Variants in HS3ST4 observed in about 807,000 individuals in gnomAD.
HS3ST4 encodes the protein heparan sulfate-glucosamine 3-sulfotransferase 4.
In HS3ST4, 17 loss-of-function variants were observed where a neutral mutation model predicts 29.2. The ratio of observed to expected loss-of-function variants is 0.58; its 90% CI spans 0.40 to 0.87. The LOEUF (loss-of-function observed/expected upper bound fraction) is 0.87. Among genes scored for constraint, HS3ST4 ranks in the 40% least tolerant of loss-of-function variants. HS3ST4 has a pLI of 0.00. For synonymous variants in HS3ST4, 314 were observed against 285.7 expected (o/e 1.10, Z -1.00); for missense variants, 627 against 634.5 (o/e 0.99, Z 0.13).
At chr16:25,796,387 G>A (rs1291733083) in intron 1 of HS3ST4, among the ~76,000 whole-genome samples, 1 of 152,042 alleles carries the variant, frequency 6.6e-6, no homozygotes, top group East Asian at 1.9e-4. Context: ...TGTGTTACTG[G>A]CTTTTATTAT....
chr16:26,059,002 A>T (rs774002213), intron 1 of HS3ST4, among the ~76,000 whole-genome samples: 5 of 152,112 alleles, frequency 3.3e-5, no homozygotes, highest in Non-Finnish European at 7.4e-5. Flanking sequence ...CTGAGGTGGG[A>T]GGCCTGAGGG....
At chr16:25,751,313 C>T (rs1385063703) in intron 1 of HS3ST4, among the ~76,000 whole-genome samples, 1 of 152,044 alleles carries the variant, frequency 6.6e-6, no homozygotes, top group Non-Finnish European at 1.5e-5. Flanking sequence ...ATGCATGTGG[C>T]GTCATTCAGT....
At chr16:26,019,761 T>C (rs1356279231) in intron 1 of HS3ST4, among the ~76,000 whole-genome samples, 2 of 152,312 alleles carry the variant, frequency 1.3e-5, no homozygotes, top group East Asian at 3.9e-4. Context: ...AGTTTGTATA[T>C]TTAATCAGTT....
intron 1 of HS3ST4, among the ~76,000 whole-genome samples, chr16:25,846,609 C>G (rs1208948483): frequency 6.6e-6 from 1 of 151,628 alleles, no homozygotes; most frequent in African/African-American, 2.4e-5. Context: ...TCTTTCAGCC[C>G]ACAGATATTT....
At position 25,992,685 on chromosome 16, in the gene HS3ST4, G is replaced by C. The variant is rs1337737566; in HGVS notation, c.735-142927G>C. 2.6e-5 allele frequency among the ~76,000 whole-genome samples: 4 copies of C among 152,366 alleles called. No individual in the cohort carries two copies. In the South Asian group the frequency reaches 8.3e-4, roughly 32 times the overall value. ...GCCACCTGTGGGTGCCACGTTGAAG[G>C]CAAAGCCCCTTGGCGAAACTTTGAG... On this transcript the variant is annotated intron_variant, in intron 1 of 1. Transcript: ENST00000331351.
chr16:25,784,384 C>G (rs1426508627), intron 1 of HS3ST4, among the ~76,000 whole-genome samples: 12 of 152,160 alleles, frequency 7.9e-5, no homozygotes. Context: ...ATGTCTGCAG[C>G]TGAGATAAGC....
chr16:25,820,836 G>A (rs937945202), intron 1 of HS3ST4, among the ~76,000 whole-genome samples: 4 of 151,862 alleles, frequency 2.6e-5, no homozygotes, highest in South Asian at 2.1e-4. Context: ...CTCCCAAAGC[G>A]TTGAGATTAC....
chr16:25,904,554 G>T (rs1596609563), intron 1 of HS3ST4, among the ~76,000 whole-genome samples: 1 of 152,198 alleles, frequency 6.6e-6, no homozygotes, highest in Admixed American at 6.5e-5. Flanking sequence ...TCACTGGCTT[G>T]TGGGGACAGG....
At chr16:26,077,861 A>T (rs1898681256) in intron 1 of HS3ST4, among the ~76,000 whole-genome samples, 3 of 152,222 alleles carry the variant, frequency 2.0e-5, no homozygotes, top group Non-Finnish European at 4.4e-5. Context: ...GCTTGAGGCT[A>T]GGAGTTTGAG....
chr16:26,119,313 G>A (rs1899241200), intron 1 of HS3ST4, among the ~76,000 whole-genome samples: 1 of 152,208 alleles, frequency 6.6e-6, no homozygotes, highest in Admixed American at 6.5e-5. Flanking sequence ...AGTCAAGGCT[G>A]GAGAAGGCAG....
intron 1 of HS3ST4, among the ~76,000 whole-genome samples, chr16:25,816,659 A>G (rs1967095159): frequency 6.6e-6 from 1 of 152,206 alleles, no homozygotes; most frequent in Non-Finnish European, 1.5e-5. Context: ...GCTTGTAACA[A>G]AGTACCCCAA....
chr16:26,099,261 C>T (rs1164175722), intron 1 of HS3ST4, among the ~76,000 whole-genome samples: 1 of 152,178 alleles, frequency 6.6e-6, no homozygotes, highest in African/African-American at 2.4e-5. Context: ...CTCAAGTGAT[C>T]CTCCTGCTTC....
At chr16:25,750,895 C>T (rs1311886805) in intron 1 of HS3ST4, among the ~76,000 whole-genome samples, 1 of 152,162 alleles carries the variant, frequency 6.6e-6, no homozygotes, top group African/African-American at 2.4e-5. Context: ...ACAGTTCCCT[C>T]CGCAGCATTT....
chr16:26,087,346 A>C (rs1029681711), intron 1 of HS3ST4, among the ~76,000 whole-genome samples: 3 of 152,182 alleles, frequency 2.0e-5, no homozygotes, highest in African/African-American at 4.8e-5. Context: ...TAAATAATGA[A>C]CCACCTGCTC....
At chr16:26,115,682 G>C (rs371329437) in intron 1 of HS3ST4, among the ~76,000 whole-genome samples, 1 of 152,256 alleles carries the variant, frequency 6.6e-6, no homozygotes, top group East Asian at 1.9e-4. Flanking sequence ...TGATGAGGGA[G>C]AAGGAGCCTG....
At chr16:25,768,760 C>T (rs11074716) in intron 1 of HS3ST4, among the ~76,000 whole-genome samples, 4 of 151,858 alleles carry the variant, frequency 2.6e-5, no homozygotes, top group African/African-American at 7.3e-5. Flanking sequence ...ATTTGTTTGG[C>T]CCTGATGTTT....
At chr16:26,071,056 C>G (rs1380226046) in intron 1 of HS3ST4, among the ~76,000 whole-genome samples, 1 of 152,150 alleles carries the variant, frequency 6.6e-6, no homozygotes, top group Non-Finnish European at 1.5e-5. Context: ...TGGTGAATTG[C>G]AAAGTGTGTT....
At chr16:25,850,739 G>A (rs892948184) in intron 1 of HS3ST4, among the ~76,000 whole-genome samples, 4 of 152,286 alleles carry the variant, frequency 2.6e-5, no homozygotes, top group Middle Eastern at 3.4e-3. Context: ...AGTTAAGAAA[G>A]AAAAGAGTGC....
At chr16:25,789,458 C>T (rs1294083206) in intron 1 of HS3ST4, among the ~76,000 whole-genome samples, 1 of 16,336 alleles carries the variant, frequency 6.1e-5, no homozygotes, top group East Asian at 9.0e-4. Context: ...TTCCTTCCTT[C>T]CTTCCTTCCT....
Sources: allele counts gnomAD v4.1 joint callset (sites outside exome capture counted in the v4.1 genomes callset), GRCh38; gene constraint gnomAD v4.1.1; transcripts MANE v1.5; gene names NCBI Gene and HGNC (gene_info 2026-07-23, HGNC 2026-07-21).